RBFOX2: variants seen among roughly 807,000 people sequenced by gnomAD.
RBFOX2 encodes the protein RNA binding fox-1 homolog 2, also known as RNA binding protein fox-1 homolog 2.
In RBFOX2, 10 loss-of-function variants were observed where a neutral mutation model predicts 49.1. The ratio of observed to expected loss-of-function variants is 0.20; its 90% CI spans 0.13 to 0.35. The LOEUF (loss-of-function observed/expected upper bound fraction) is 0.35. RBFOX2 is among the 10% of genes least tolerant of loss of function. RBFOX2 has a pLI of 1.00. For missense variants in RBFOX2, 323 were observed against 486.9 expected (o/e 0.66, Z 3.17); for synonymous variants, 183 against 187.4 (o/e 0.98, Z 0.19).
intron 1 of RBFOX2, among the ~76,000 whole-genome samples, chr22:36,003,530 G>C (rs1000655395): frequency 1.3e-5 from 2 of 152,190 alleles, no homozygotes; most frequent in Non-Finnish European, 2.9e-5. Context: ...GGTACCTCTA[G>C]GAAAAGAACA....
chr22:35,812,250 A>G (rs1221947445), intron 1 of RBFOX2, among the ~76,000 whole-genome samples: 1 of 150,936 alleles, frequency 6.6e-6, no homozygotes, highest in Non-Finnish European at 1.5e-5. Flanking sequence ...CAACAGAGTG[A>G]GTGAGACTCC....
chr22:35,772,313 T>A (rs1291469439), intron 4 of RBFOX2, among the ~76,000 whole-genome samples: 4 of 152,130 alleles, frequency 2.6e-5, no homozygotes. Context: ...AATTTAAAAT[T>A]TTCTAATAAC....
chr22:35,936,498 T>C (rs905458375), intron 1 of RBFOX2, among the ~76,000 whole-genome samples: 1 of 152,152 alleles, frequency 6.6e-6, no homozygotes, highest in Non-Finnish European at 1.5e-5. Flanking sequence ...TCTGTATTCA[T>C]CAAATACAAC....
Position 35,759,954 on chromosome 22 carries a change from C to A in RBFOX2, c.821G>T (p.Gly274Val). Reference sequence around the variant, plus strand: ...TGCACCATATACTGTCCGCCCTCTGCCCCTCAAATGGGCTCCTCTGAAAGC... The same window carrying A: ...TGCACCATATACTGTCCGCCCTCTGACCCTCAAATGGGCTCCTCTGAAAGC... Residue 274 changes from glycine to valine, a missense_variant, in exon 9 of 12, where the codon GGC becomes GTC. Coordinates refer to ENST00000405409, the Ensembl canonical transcript of RBFOX2. The surrounding 1 kb of genome is among the most constrained non-coding windows in gnomAD (Gnocchi z 4.6). 1 of 1,613,802 alleles carries A rather than the reference C, an allele frequency of 6.2e-7. No individual in the cohort carries two copies. Among genetic ancestry groups the A allele is most frequent in the Non-Finnish European group, 8.5e-7 (1 of 1,180,032 alleles).
At chr22:35,960,736 G>A (rs2056104991) in intron 1 of RBFOX2, among the ~76,000 whole-genome samples, 1 of 152,110 alleles carries the variant, frequency 6.6e-6, no homozygotes, top group African/African-American at 2.4e-5. Context: ...AAATCACGAA[G>A]AGCCAATTCG....
intron 1 of RBFOX2, among the ~76,000 whole-genome samples, chr22:35,934,961 G>T (rs935510647): frequency 3.3e-5 from 5 of 151,976 alleles, no homozygotes; most frequent in Admixed American, 3.3e-4. Flanking sequence ...TTGAGACAGG[G>T]TCTTGTTCTG....
chr22:35,783,945 G>A (rs1323735233), intron 2 of RBFOX2, among the ~76,000 whole-genome samples: 1 of 152,156 alleles, frequency 6.6e-6, no homozygotes, highest in Non-Finnish European at 1.5e-5. Context: ...ACACCCCCCT[G>A]AAAACCACAC....
intron 1 of RBFOX2, among the ~76,000 whole-genome samples, chr22:36,005,178 T>C (rs2058574033): frequency 1.3e-5 from 2 of 152,206 alleles, no homozygotes; most frequent in Admixed American, 1.3e-4. Flanking sequence ...CAAGATTTTA[T>C]TCTACAATAC....
At chr22:35,992,189 T>C (rs2058010331) in intron 1 of RBFOX2, 1 of 152,094 alleles carries the variant, frequency 6.6e-6, no homozygotes, top group African/African-American at 2.4e-5. Context: ...TCCTCTGAAA[T>C]ATACAACTCA....
upstream of RBFOX2, among the ~76,000 whole-genome samples, chr22:35,941,981 C>T (rs551967278): frequency 3.5e-4 from 54 of 152,268 alleles, no homozygotes; most frequent in African/African-American, 1.2e-3. Flanking sequence ...GGCATGGATC[C>T]TATTGCAGGT....
intron 1 of RBFOX2, among the ~76,000 whole-genome samples, chr22:35,883,373 AAAGGCTAG>A (rs2046172480): frequency 6.6e-6 from 1 of 152,244 alleles, no homozygotes; most frequent in African/African-American, 2.4e-5. Flanking sequence ...CTCCTGCTAA[AAAGGCTAG>A]AAGCCCTATT....
upstream of RBFOX2, among the ~76,000 whole-genome samples, chr22:35,962,824 A>G (rs1443837142): frequency 6.6e-6 from 1 of 152,102 alleles, no homozygotes; most frequent in Non-Finnish European, 1.5e-5. Context: ...CTAGAGAAGT[A>G]ATTCCTTCTC....
upstream of RBFOX2, among the ~76,000 whole-genome samples, chr22:35,941,783 A>C (rs545188932): frequency 2.5e-4 from 38 of 152,334 alleles, no homozygotes; most frequent in Non-Finnish European, 4.4e-4. Context: ...CAAAAACTTC[A>C]ATAGAAAAGT....
intron 1 of RBFOX2, chr22:35,996,009 G>A (rs2058174886): frequency 6.6e-6 from 1 of 152,222 alleles, no homozygotes; most frequent in Non-Finnish European, 1.5e-5. Flanking sequence ...GCTGGAAACA[G>A]CTGTTGTGAG....
chr22:35,774,015 T>C (rs1943311985), intron 4 of RBFOX2, among the ~76,000 whole-genome samples: 2 of 152,240 alleles, frequency 1.3e-5, no homozygotes, highest in South Asian at 4.1e-4. Context: ...GAAGGATACA[T>C]GAGAATATCA....
chr22:35,773,776 T>C (rs1943252742), intron 4 of RBFOX2, among the ~76,000 whole-genome samples: 1 of 152,106 alleles, frequency 6.6e-6, no homozygotes, highest in Non-Finnish European at 1.5e-5. Flanking sequence ...AATCTGTGTA[T>C]TTCTTTATTT....
chr22:35,993,113 A>C (rs1198403729), intron 1 of RBFOX2: 1 of 144,160 alleles, frequency 6.9e-6, no homozygotes, highest in Non-Finnish European at 1.6e-5. Context: ...TAAGACAGAA[A>C]GGACATAAAC....
chr22:35,875,589 T>G (rs1329253315), intron 1 of RBFOX2, among the ~76,000 whole-genome samples: 1 of 149,750 alleles, frequency 6.7e-6, no homozygotes, highest in African/African-American at 2.5e-5. Context: ...CAACTGCGAA[T>G]TAATAAATGC....
chr22:35,796,717 CATT>C, intron 2 of RBFOX2, among the ~76,000 whole-genome samples: 1 of 152,080 alleles, frequency 6.6e-6, no homozygotes, highest in East Asian at 1.9e-4. Flanking sequence ...AAACCTCAGT[CATT>C]ATTTGTAAAA....
Sources: allele counts gnomAD v4.1 joint callset (sites outside exome capture counted in the v4.1 genomes callset), GRCh38; gene constraint gnomAD v4.1.1; non-coding constraint Gnocchi (gnomAD v3.1); transcripts MANE v1.5; gene names NCBI Gene and HGNC (gene_info 2026-07-23, HGNC 2026-07-21).